The following PLCE1 variants were observed in gnomAD, a reference collection of about 807,000 sequenced individuals.
PLCE1 encodes the protein 1-phosphatidylinositol 4,5-bisphosphate phosphodiesterase epsilon-1.
Under a neutral mutation model 242.8 loss-of-function variants are expected in PLCE1, and 119 were observed. The ratio of observed to expected loss-of-function variants is 0.49; its 90% confidence interval spans 0.42 to 0.57. PLCE1 has a LOEUF of 0.57. Ranked by LOEUF, PLCE1 falls within the 20% of genes least tolerant of loss-of-function variation. The probability of loss-of-function intolerance (pLI) is 0.00; values close to 1 mark genes in which losing one functional copy is unlikely to be tolerated. For synonymous variants in PLCE1, 945 were observed against 1,017.4 expected (o/e 0.93, Z 1.35); for missense variants, 2,441 against 2,788.8 (o/e 0.88, Z 2.81).
intron 8 of PLCE1, among the ~76,000 whole-genome samples, chr10:94,247,733 A>C (rs1485980407): frequency 1.3e-5 from 2 of 152,188 alleles, no homozygotes. Flanking sequence ...AGCTGCTTAC[A>C]TTGAGTGAAT....
chr10:94,207,443 G>A (rs1229769021), intron 4 of PLCE1, among the ~76,000 whole-genome samples: 1 of 151,978 alleles, frequency 6.6e-6, no homozygotes, highest in Non-Finnish European at 1.5e-5. Flanking sequence ...TGTTAAATTT[G>A]AAATGTAGGT....
intron 1 of PLCE1, among the ~76,000 whole-genome samples, chr10:93,999,435 C>T (rs1239325176): frequency 4.6e-5 from 7 of 152,206 alleles, no homozygotes; most frequent in Admixed American, 6.5e-5. Flanking sequence ...GTCACCCACA[C>T]TACTCCCAAA....
intron 4 of PLCE1, among the ~76,000 whole-genome samples, chr10:94,207,623 G>C (rs1452604331): frequency 1.3e-5 from 2 of 151,714 alleles, no homozygotes; most frequent in East Asian, 3.9e-4. Flanking sequence ...GAGGCAATGA[G>C]CACATGAAGC....
intron 7 of PLCE1, among the ~76,000 whole-genome samples, chr10:94,238,020 C>A (rs1002665967): frequency 7.9e-5 from 12 of 152,206 alleles, no homozygotes; most frequent in African/African-American, 2.9e-4. Context: ...TTGGTTTACC[C>A]CACCTACAGG....
At chr10:94,327,811 A>G (rs2054086880) in intron 32 of PLCE1, among the ~76,000 whole-genome samples, 157 bp from the exon 33 acceptor site, 1 of 152,218 alleles carries the variant, frequency 6.6e-6, no homozygotes, top group Non-Finnish European at 1.5e-5. Flanking sequence ...TCCTAGAAAC[A>G]TCATGTTCTA....
At chr10:94,051,613 A>G (rs996186653) in intron 2 of PLCE1, among the ~76,000 whole-genome samples, 5 of 152,218 alleles carry the variant, frequency 3.3e-5, no homozygotes, top group Non-Finnish European at 5.9e-5. Flanking sequence ...TGGGCATTGT[A>G]AAATTACTGC....
intron 11 of PLCE1, among the ~76,000 whole-genome samples, chr10:94,255,804 A>T (rs1199641792): frequency 6.6e-6 from 1 of 151,202 alleles, no homozygotes; most frequent in Non-Finnish European, 1.5e-5. Context: ...ATCCTCCTGT[A>T]TCCCACATTA....
intron 29 of PLCE1, among the ~76,000 whole-genome samples, chr10:94,319,214 CT>C (rs1299140654): frequency 4.6e-5 from 7 of 151,992 alleles, no homozygotes; most frequent in Non-Finnish European, 2.9e-5. Context: ...CTTTATATGC[CT>C]TTGTTAGGAA....
At chr10:94,273,193 A>G (rs781598013) in intron 18 of PLCE1, among the ~76,000 whole-genome samples, 1 of 152,142 alleles carries the variant, frequency 6.6e-6, no homozygotes, top group Non-Finnish European at 1.5e-5. Flanking sequence ...ACCCCCTCCA[A>G]AGTTTTATCC....
rs577658927 is a variant in PLCE1 at position 94,239,713 on chromosome 10, C to T, written c.2420+3593C>T. ...TACCTCAATAACCTCGTTAGAGACG[C>T]GCCTGGACGATAATCCAACCCCATA... On this transcript the variant is annotated intron_variant, in intron 7 of 32. Coordinates refer to ENST00000371380, the MANE Select transcript of PLCE1 (RefSeq NM_016341.4). Among the ~76,000 whole-genome samples the T allele has an allele frequency of 1.3e-3, 199 of 152,158 alleles. 1 individual carries two copies. The highest frequency in any genetic ancestry group is 4.4e-3 in the African/African-American group (183 of 41,490).
At chr10:94,038,864 T>C (rs2061714431) in intron 2 of PLCE1, among the ~76,000 whole-genome samples, 1 of 152,190 alleles carries the variant, frequency 6.6e-6, no homozygotes, top group African/African-American at 2.4e-5. Flanking sequence ...CTGTTTCTTT[T>C]AGCTATCACC....
chr10:94,086,006 C>T (rs1475306863), intron 2 of PLCE1, among the ~76,000 whole-genome samples: 2 of 152,130 alleles, frequency 1.3e-5, no homozygotes, highest in African/African-American at 4.8e-5. Context: ...TGAGCCATCC[C>T]CTGTGCCCAG....
chr10:94,320,327 A>C (rs573099880), intron 29 of PLCE1, among the ~76,000 whole-genome samples: 1 of 152,196 alleles, frequency 6.6e-6, no homozygotes, highest in South Asian at 2.1e-4. Flanking sequence ...CACTCATTGA[A>C]AAAAGTTAAA....
chr10:94,284,871 A>C lies in PLCE1; in HGVS notation c.4941A>C (p.Glu1647Asp), dbSNP rs759983858. Reference sequence around the variant, plus strand: ...AGGTTTATGATATGGAACTGGGAGAAGAATTTTATCTTGATCAGAATAAAA... The same window carrying C: ...AGGTTTATGATATGGAACTGGGAGACGAATTTTATCTTGATCAGAATAAAA... The part of the protein sequence containing the change: ...KGKVYDMELG[E>D]EFYLDQNKKE... The change falls in exon 22 of 33, where the codon GAA becomes GAC. Residue 1647 changes from glutamate (E) to aspartate (D), a missense_variant. By Grantham distance (45) the Glu-to-Asp change is conservative (BLOSUM62 2). Transcript: ENST00000371380. 7 of 1,605,164 alleles carry C rather than the reference A, an allele frequency of 4.4e-6. No homozygotes were observed. Among genetic ancestry groups the C allele is most frequent in the South Asian group, 2.2e-5 (2 of 90,902 alleles).
chr10:94,292,348 T>C (rs2052671534), intron 22 of PLCE1, among the ~76,000 whole-genome samples: 1 of 152,104 alleles, frequency 6.6e-6, no homozygotes, highest in South Asian at 2.1e-4. Flanking sequence ...GACATGATAC[T>C]CAAAGGAAAT....
At chr10:94,101,903 A>G (rs149055929) in intron 2 of PLCE1, among the ~76,000 whole-genome samples, 1 of 152,204 alleles carries the variant, frequency 6.6e-6, no homozygotes, top group African/African-American at 2.4e-5. Context: ...GGAGACATGT[A>G]CCCAGGACAT....
In PLCE1 at chr10:94,329,801, A is replaced by AAC. The variant is rs2054137071; in HGVS notation, c.*1859_*1860insCA. ...CAAAAAAAAAAAAAAAAAAAAAAAA[A>AAC]AAAAAAAAAACACCATACAGCTTTC... On this transcript the variant is annotated 3_prime_UTR_variant, in exon 33 of 33. Transcript: ENST00000371380. The AAC allele has an allele frequency of 2.0e-5, 3 of 148,360 alleles. No homozygotes were observed. The highest frequency in any genetic ancestry group is 4.2e-4 in the South Asian group (2 of 4,730). 9.2% of individuals were successfully genotyped at this position (148,360 alleles called of 1,614,324 possible).
intron 1 of PLCE1, among the ~76,000 whole-genome samples, chr10:94,021,348 C>G (rs2061374386): frequency 6.7e-6 from 1 of 149,188 alleles, no homozygotes; most frequent in Non-Finnish European, 1.5e-5. Flanking sequence ...ATCCCAAGGT[C>G]TTGAATATTT....
chr10:94,066,107 C>G (rs981770214), intron 2 of PLCE1, among the ~76,000 whole-genome samples: 3 of 152,040 alleles, frequency 2.0e-5, no homozygotes, highest in Non-Finnish European at 4.4e-5. Flanking sequence ...TCACAAAGAT[C>G]TATGTGGAGA....
Sources: allele counts gnomAD v4.1 joint callset (sites outside exome capture counted in the v4.1 genomes callset), GRCh38; gene constraint gnomAD v4.1.1; transcripts MANE v1.5; gene names NCBI Gene and HGNC (gene_info 2026-07-23, HGNC 2026-07-21).